Variants in L3MBTL4 observed in about 807,000 individuals in gnomAD.
L3MBTL4 encodes the protein lethal(3)malignant brain tumor-like protein 4.
Under a neutral mutation model 84.5 loss-of-function variants are expected in L3MBTL4, and 70 were observed. The ratio of observed to expected loss-of-function variants is 0.83; its 90% CI spans 0.68 to 1.01. L3MBTL4 has a LOEUF of 1.01. L3MBTL4 is among the 50% of genes least tolerant of loss of function. The pLI, the probability that L3MBTL4 is intolerant of heterozygous loss-of-function variation, is 0.00. For synonymous variants in L3MBTL4, 274 were observed against 259.8 expected (o/e 1.05, Z -0.52); for missense variants, 715 against 754.8 (o/e 0.95, Z 0.62).
intron 16 of L3MBTL4, among the ~76,000 whole-genome samples, chr18:6,007,858 AG>A (rs2145349432): frequency 1.3e-5 from 2 of 152,324 alleles, no homozygotes; most frequent in South Asian, 4.1e-4. Context: ...AAAAAATTCC[AG>A]GGAGCACAGT....
At chr18:6,095,359 T>C (rs1330617856) in intron 14 of L3MBTL4, among the ~76,000 whole-genome samples, 1 of 148,406 alleles carries the variant, frequency 6.7e-6, no homozygotes, top group Admixed American at 6.6e-5. Flanking sequence ...TTTTTTTTTT[T>C]TTTTTTGAGA....
intron 16 of L3MBTL4, among the ~76,000 whole-genome samples, chr18:6,068,702 G>A (rs189074370): frequency 1.8e-4 from 28 of 152,252 alleles, no homozygotes; most frequent in Admixed American, 1.6e-3. Context: ...TGTGTGCAGT[G>A]GTGTACCAGT....
chr18:6,119,513 A>C (rs956778196), intron 14 of L3MBTL4, among the ~76,000 whole-genome samples: 2 of 152,204 alleles, frequency 1.3e-5, no homozygotes, highest in African/African-American at 4.8e-5. Flanking sequence ...GGGTGAGAGA[A>C]AGAGGCAGGG....
At chr18:6,195,723 A>G (rs2045346432) in intron 12 of L3MBTL4, among the ~76,000 whole-genome samples, 1 of 152,202 alleles carries the variant, frequency 6.6e-6, no homozygotes, top group African/African-American at 2.4e-5. Context: ...ATCCCATGCA[A>G]TCACTACCCA....
At chr18:6,244,813 G>A (rs910053754) in intron 5 of L3MBTL4, among the ~76,000 whole-genome samples, 2 of 152,206 alleles carry the variant, frequency 1.3e-5, no homozygotes, top group African/African-American at 4.8e-5. Context: ...TATTTAAGGT[G>A]ATGGATGTGT....
intron 13 of L3MBTL4, among the ~76,000 whole-genome samples, chr18:6,142,065 T>G (rs574064730): frequency 6.6e-6 from 1 of 152,374 alleles, no homozygotes; most frequent in East Asian, 1.9e-4. Flanking sequence ...TTATTATCTT[T>G]CACATCTTGG....
intron 13 of L3MBTL4, among the ~76,000 whole-genome samples, chr18:6,160,346 G>A (rs2043275268): frequency 6.6e-6 from 1 of 152,214 alleles, no homozygotes; most frequent in Admixed American, 6.5e-5. Context: ...AGTGTTGCAA[G>A]TCAGCAGTGT....
At chr18:6,117,256 A>G (rs922755449) in intron 14 of L3MBTL4, among the ~76,000 whole-genome samples, 6 of 152,186 alleles carry the variant, frequency 3.9e-5, no homozygotes, top group Non-Finnish European at 8.8e-5. Context: ...AAACAGAAGG[A>G]AGGACTTGGT....
At chr18:6,342,390 T>C (rs1184609324) in intron 1 of L3MBTL4, among the ~76,000 whole-genome samples, 2 of 152,158 alleles carry the variant, frequency 1.3e-5, no homozygotes, top group Non-Finnish European at 2.9e-5. Context: ...GATAGATTTA[T>C]TATATTAAAA....
At chr18:6,213,377 G>A (rs1388892524) in intron 11 of L3MBTL4, 118 bp from the exon 12 acceptor site, 3 of 569,040 alleles carry the variant, frequency 5.3e-6, no homozygotes, top group South Asian at 5.4e-5. Flanking sequence ...CAATACAACT[G>A]GAATTTAGTG....
rs71370547 is a variant in L3MBTL4 at position 6,196,157 on chromosome 18, C to CTTTT, written c.981+16988_981+16991dup. Reference sequence around the variant, plus strand: ...TCATTTGTGCCTATCTAGAGTTCCTCTTTTTTTTTTTTTTTTTTGAGACTG... The same window carrying CTTTT: ...TCATTTGTGCCTATCTAGAGTTCCTCTTTTTTTTTTTTTTTTTTTTTTGAGACTG... On this transcript the variant is annotated intron_variant, in intron 12 of 18. Transcript: ENST00000317931. Among the ~76,000 whole-genome samples, 69 of 130,196 alleles carry CTTTT rather than the reference C, an allele frequency of 5.3e-4. 2 individuals are homozygous for CTTTT. The highest frequency in any genetic ancestry group is 2.2e-3 in the African/African-American group (66 of 30,530). The allele number at this position is 130,196 out of a possible 152,430, so 85.4% of individuals were successfully genotyped here.
chr18:5,990,117 C>T (rs2053625748), intron 16 of L3MBTL4, among the ~76,000 whole-genome samples: 1 of 152,180 alleles, frequency 6.6e-6, no homozygotes, highest in African/African-American at 2.4e-5. Context: ...TTCCCTTTGG[C>T]TGTGGGGAAC....
chr18:6,363,249 A>G (rs1477300375), intron 1 of L3MBTL4, among the ~76,000 whole-genome samples: 1 of 152,154 alleles, frequency 6.6e-6, no homozygotes, highest in Non-Finnish European at 1.5e-5. Context: ...TCTTCTAACA[A>G]ACCCCTTCAT....
At chr18:6,228,721 C>T (rs2046877635) in intron 10 of L3MBTL4, among the ~76,000 whole-genome samples, 1 of 151,922 alleles carries the variant, frequency 6.6e-6, no homozygotes, top group Admixed American at 6.6e-5. Flanking sequence ...TTTCTCCTGC[C>T]GCAGGAGAGC....
chr18:6,043,688 C>T (rs191000718), intron 16 of L3MBTL4, among the ~76,000 whole-genome samples: 14 of 152,250 alleles, frequency 9.2e-5, no homozygotes, highest in East Asian at 3.9e-4. Context: ...AAGACAGGTT[C>T]GATACCTGGT....
At chr18:5,971,295 C>G (rs2052630480) in intron 16 of L3MBTL4, among the ~76,000 whole-genome samples, 1 of 152,168 alleles carries the variant, frequency 6.6e-6, no homozygotes, top group South Asian at 2.1e-4. Context: ...TGCAGTGACA[C>G]AGAAATGATC....
At chr18:6,330,012 C>T (rs2051943046) in intron 1 of L3MBTL4, among the ~76,000 whole-genome samples, 2 of 152,188 alleles carry the variant, frequency 1.3e-5, no homozygotes, top group Admixed American at 1.3e-4. Context: ...CACCTTTCCT[C>T]TTGTATAGTA....
rs1248737591 is a variant in L3MBTL4, at chr18:6,272,869, G to A, written c.128-8831C>T. ...TGCCTTCAGGAGCATGGGGAAAGGG[G>A]GAGTTGTGCAGATTCAACTAGGACT... On this transcript the variant is annotated intron_variant, in intron 4 of 18. Transcript: ENST00000317931. Among the ~76,000 whole-genome samples the A allele has an allele frequency of 1.0e-4, 12 of 117,488 alleles. 1 individual carries two copies. The highest frequency in any genetic ancestry group is 2.0e-4 in the Non-Finnish European group (12 of 59,046). 77.1% of individuals were successfully genotyped at this position (117,488 alleles called of 152,430 possible).
rs532763492 is a variant in L3MBTL4 at position 6,348,521 on chromosome 18, T to G, written c.-90-36465A>C. ...AAAGATGATCTTGAATGAATAGTAC[T>G]GGGGCCAATATAACCCATACACCAA... On this transcript the variant is annotated intron_variant, in intron 1 of 18. Transcript: ENST00000317931. 4.6e-5 allele frequency among the ~76,000 whole-genome samples: 7 copies of G among 152,242 alleles called. No homozygotes were observed. The South Asian group carries it at 1.5e-3, about 32-fold the overall frequency.
Sources: gnomAD v4.1 joint callset for allele counts (sites outside exome capture counted in the v4.1 genomes callset) on GRCh38, gnomAD v4.1.1 for gene constraint, MANE v1.5 for transcripts, NCBI Gene and HGNC (gene_info 2026-07-23, HGNC 2026-07-21) for gene names.